The following FBLN5 variants were observed in gnomAD, a reference collection of about 807,000 sequenced individuals.
FBLN5 encodes the protein fibulin 5, also known as fibulin-5.
FBLN5 carries 24 observed loss-of-function variants against 61.6 expected under a neutral mutation model. That is an observed-to-expected ratio of 0.39 (90% CI 0.28 to 0.55). The LOEUF (loss-of-function observed/expected upper bound fraction) is 0.55, where lower values mean the gene tolerates loss of function less well. FBLN5 is among the 20% of genes least tolerant of loss of function. FBLN5 has a pLI of 0.65. For missense variants in FBLN5, 470 were observed against 594.1 expected (o/e 0.79, Z 2.17); for synonymous variants, 213 against 219.8 (o/e 0.97, Z 0.27).
intron 6 of FBLN5, among the ~76,000 whole-genome samples, chr14:91,889,368 T>G (rs17732060): frequency 0.19 from 29,590 of 152,186 alleles, 3,314 homozygotes; most frequent in Middle Eastern, 0.33. Context: ...AAAATGATTC[T>G]GCCCCCCTGG....
chr14:91,926,926 C>T (rs2055839567), intron 4 of FBLN5, among the ~76,000 whole-genome samples: 2 of 152,174 alleles, frequency 1.3e-5, no homozygotes, highest in Admixed American at 6.5e-5. Flanking sequence ...CTGGGACACA[C>T]TCAAAGGATT....
chr14:91,888,879 C>G (rs1006791811), intron 6 of FBLN5, among the ~76,000 whole-genome samples: 1 of 152,148 alleles, frequency 6.6e-6, no homozygotes, highest in Admixed American at 6.5e-5. Context: ...ATGCTCCATA[C>G]ACCAATGGCC....
intron 3 of FBLN5, among the ~76,000 whole-genome samples, 160 bp downstream of exon 3, chr14:91,940,405 G>C (rs2056087356): frequency 6.6e-6 from 1 of 152,210 alleles, no homozygotes; most frequent in African/African-American, 2.4e-5. Context: ...CAGGCACAAA[G>C]AAGGTGATCA....
intron 3 of FBLN5, chr14:91,938,588 C>T (rs1253594615): frequency 6.6e-6 from 1 of 152,358 alleles, no homozygotes; most frequent in African/African-American, 2.4e-5. Context: ...TCTAGCCAGG[C>T]TGGGCTCTGC....
intron 1 of FBLN5, among the ~76,000 whole-genome samples, chr14:91,946,353 G>T (rs1275637499): frequency 6.6e-6 from 1 of 152,064 alleles, no homozygotes; most frequent in Non-Finnish European, 1.5e-5. Flanking sequence ...GCAGGTTGGT[G>T]CTCATAACCG....
chr14:91,936,375 C>T (rs1267713893), intron 4 of FBLN5, among the ~76,000 whole-genome samples: 1 of 152,212 alleles, frequency 6.6e-6, no homozygotes, highest in Non-Finnish European at 1.5e-5. Flanking sequence ...TGCTTCTTCC[C>T]GGAGGTCCAT....
intron 4 of FBLN5, among the ~76,000 whole-genome samples, chr14:91,925,215 C>T (rs1381298549): frequency 6.6e-6 from 1 of 152,228 alleles, no homozygotes; most frequent in Non-Finnish European, 1.5e-5. Flanking sequence ...TCTGCTTCCC[C>T]GGCCCCAACA....
chr14:91,910,630 A>G (rs1890879257), intron 4 of FBLN5, among the ~76,000 whole-genome samples: 1 of 152,216 alleles, frequency 6.6e-6, no homozygotes, highest in Non-Finnish European at 1.5e-5. Context: ...TCGATCTGTG[A>G]TCAAAAACAA....
intron 4 of FBLN5, among the ~76,000 whole-genome samples, chr14:91,912,212 C>T (rs979872818): frequency 2.6e-5 from 4 of 152,200 alleles, no homozygotes; most frequent in African/African-American, 4.8e-5. Context: ...AAAGGCCCTT[C>T]GGGGCTGGGT....
intron 9 of FBLN5, among the ~76,000 whole-genome samples, chr14:91,878,794 T>G (rs944348792): frequency 6.6e-6 from 1 of 152,256 alleles, no homozygotes; most frequent in African/African-American, 2.4e-5. Context: ...AGCCTACTCT[T>G]CCTTTTTATA....
Position 91,947,153 on chromosome 14 carries a change from C to CTCCACCACCT in FBLN5, c.17+59_17+60insAGGTGGTGGA. On this transcript the variant is annotated intron_variant, in intron 1 of 10. Coordinates refer to ENST00000342058, the MANE Select transcript of FBLN5 (RefSeq NM_006329.4). The surrounding 1 kb of genome is among the most constrained non-coding windows in gnomAD (Gnocchi z 4.3). ...GCAGCCATAACCATTTTCCACCCATCGGATTTTTAGCAAGGCTTCCAGACC... is the reference window on the plus strand; with the variant it reads ...GCAGCCATAACCATTTTCCACCCATCTCCACCACCTGGATTTTTAGCAAGGCTTCCAGACC... The CTCCACCACCT allele has an allele frequency of 6.2e-7, 1 of 1,612,006 alleles. No homozygotes were observed. Among genetic ancestry groups the CTCCACCACCT allele is most frequent in the Non-Finnish European group, 8.5e-7 (1 of 1,178,270 alleles).
chr14:91,943,305 T>C lies in FBLN5; in HGVS notation c.18-344A>G, dbSNP rs1293007177. Among the ~76,000 whole-genome samples the C allele has an allele frequency of 2.0e-5, 3 of 151,824 alleles. No homozygotes were observed. The highest frequency in any genetic ancestry group is 4.4e-5 in the Non-Finnish European group (3 of 67,968). The stretch of plus-strand genomic sequence containing the variant: ...AAGAGGATTGCTTGAACCCAGGAGT[T>C]TGAGACAAGCCTGGGCAACATGGTG... On this transcript the variant is annotated intron_variant, in intron 1 of 10. Transcript: ENST00000342058. The surrounding 1 kb of genome is among the most constrained non-coding windows in gnomAD (Gnocchi z 4.0).
At chr14:91,891,405 A>G (rs1258721948) in intron 5 of FBLN5, 68 bp from the exon 6 acceptor site, 1 of 1,000,310 alleles carries the variant, frequency 1.0e-6, no homozygotes, top group East Asian at 2.4e-5. Context: ...CTAGCATGGC[A>G]TGATTGCCTT....
chr14:91,917,064 C>T (rs1049743828), intron 4 of FBLN5, among the ~76,000 whole-genome samples: 3 of 152,080 alleles, frequency 2.0e-5, no homozygotes, highest in African/African-American at 2.4e-5. Context: ...TGCCAGAGCT[C>T]GAGATTAAGG....
intron 1 of FBLN5, chr14:91,946,841 G>T (rs1053503592): frequency 2.6e-6 from 4 of 1,520,932 alleles, no homozygotes; most frequent in African/African-American, 2.8e-5. Context: ...CCGATGCGGC[G>T]CAGTAATTGC....
chr14:91,921,925 T>C (rs959302232), intron 4 of FBLN5, among the ~76,000 whole-genome samples: 3 of 152,162 alleles, frequency 2.0e-5, no homozygotes, highest in Admixed American at 6.5e-5. Flanking sequence ...GGCCTAAAGC[T>C]GGCGGGCCCA....
intron 9 of FBLN5, among the ~76,000 whole-genome samples, chr14:91,878,905 AC>A (rs1347624821): frequency 1.3e-5 from 2 of 152,040 alleles, no homozygotes; most frequent in Non-Finnish European, 2.9e-5. Context: ...GGAGTTCAAG[AC>A]CTCTGGCTTT....
At chr14:91,922,018 G>C (rs1467844745) in intron 4 of FBLN5, among the ~76,000 whole-genome samples, 1 of 152,172 alleles carries the variant, frequency 6.6e-6, no homozygotes, top group Non-Finnish European at 1.5e-5. Flanking sequence ...TAAAATGAAG[G>C]GGCAGACAGG....
chr14:91,924,734 A>T (rs1031945974), intron 4 of FBLN5, among the ~76,000 whole-genome samples: 15 of 152,160 alleles, frequency 9.9e-5, no homozygotes, highest in South Asian at 2.1e-4. Context: ...ATAAATAATC[A>T]CAAATGTGTA....
Sources: gnomAD v4.1 joint callset for allele counts (sites outside exome capture counted in the v4.1 genomes callset) on GRCh38, gnomAD v4.1.1 for gene constraint, Gnocchi (gnomAD v3.1) non-coding constraint, MANE v1.5 for transcripts, NCBI Gene and HGNC (gene_info 2026-07-23, HGNC 2026-07-21) for gene names.